DEUP1: variants seen among roughly 807,000 people sequenced by gnomAD.
DEUP1 encodes coiled-coil domain containing 67.
In DEUP1, 82 loss-of-function variants were observed where a neutral mutation model predicts 87.4. That is an observed-to-expected ratio of 0.94 (90% confidence interval 0.78 to 1.13). The LOEUF (loss-of-function observed/expected upper bound fraction) is 1.13. DEUP1 is among the 50% of genes most tolerant of loss of function. DEUP1 has a pLI of 0.00. For missense variants in DEUP1, 663 were observed against 681.5 expected (o/e 0.97, Z 0.30); for synonymous variants, 214 against 222.7 (o/e 0.96, Z 0.35).
chr11:93,434,052 C>G (rs1948172523), intron 13 of DEUP1, among the ~76,000 whole-genome samples: 1 of 152,130 alleles, frequency 6.6e-6, no homozygotes, highest in South Asian at 2.1e-4. Context: ...AACACCCACC[C>G]AGCTAGAGGA....
In DEUP1 at chr11:93,371,292, T is replaced by G. The variant is rs192410566; in HGVS notation, c.789+12T>G. On this transcript the variant is annotated intron_variant, in intron 7 of 13. Coordinates refer to ENST00000298050, the MANE Select transcript of DEUP1 (RefSeq NM_181645.4). Reference sequence around the variant, plus strand: ...AAAGACAGTGCCAGGTGAAGATTAATTTTTTTTCAACTAATATTGTCCATG... The same window carrying G: ...AAAGACAGTGCCAGGTGAAGATTAAGTTTTTTTCAACTAATATTGTCCATG... The G allele has an allele frequency of 1.2e-6, 2 of 1,600,774 alleles. No individual in the cohort carries two copies. Among genetic ancestry groups the G allele is most frequent in the Non-Finnish European group, 1.7e-6 (2 of 1,173,480 alleles).
chr11:93,336,686 C>T (rs993369990), intron 2 of DEUP1, among the ~76,000 whole-genome samples: 2 of 152,162 alleles, frequency 1.3e-5, no homozygotes, highest in Non-Finnish European at 2.9e-5. Context: ...CAGTCCAGAG[C>T]CTTTCTGTTT....
intron 2 of DEUP1, among the ~76,000 whole-genome samples, chr11:93,347,881 A>G (rs1944435268): frequency 6.6e-6 from 1 of 152,098 alleles, no homozygotes; most frequent in Non-Finnish European, 1.5e-5. Flanking sequence ...CTGGGACTAC[A>G]GGCGCGTGCC....
At chr11:93,376,695 T>G (rs1206086316) in intron 7 of DEUP1, among the ~76,000 whole-genome samples, 1 of 152,200 alleles carries the variant, frequency 6.6e-6, no homozygotes, top group Non-Finnish European at 1.5e-5. Flanking sequence ...TCTGGTGTCT[T>G]GAAGTGTGAT....
intron 4 of DEUP1, among the ~76,000 whole-genome samples, chr11:93,359,476 A>G (rs1000816062): frequency 3.9e-5 from 6 of 152,192 alleles, no homozygotes; most frequent in African/African-American, 7.2e-5. Context: ...ATAAAACAAC[A>G]TAAGACTCTG....
upstream of DEUP1, chr11:93,330,613 G>C (rs1943420016): frequency 6.6e-6 from 1 of 152,516 alleles, no homozygotes. Flanking sequence ...GGAGGGAGAG[G>C]CCCAACTGCC....
At chr11:93,437,445 G>A in intron 13 of DEUP1, 98 bp from the exon 14 acceptor site, 1 of 835,650 alleles carries the variant, frequency 1.2e-6, no homozygotes, top group Admixed American at 2.9e-5. Flanking sequence ...AAGAGCTGCG[G>A]TGTTTGACAG....
chr11:93,378,114 A>G (rs993142478), intron 7 of DEUP1, among the ~76,000 whole-genome samples: 12 of 152,120 alleles, frequency 7.9e-5, no homozygotes, highest in African/African-American at 2.7e-4. Flanking sequence ...TGAATTTCCC[A>G]GGTGTTCTTT....
intron 2 of DEUP1, among the ~76,000 whole-genome samples, chr11:93,337,532 C>T (rs950080453): frequency 5.9e-5 from 9 of 152,154 alleles, no homozygotes; most frequent in African/African-American, 9.7e-5. Context: ...TTCACCTCCC[C>T]CCATATACAC....
chr11:93,431,836 T>G (rs1403946269), intron 13 of DEUP1, among the ~76,000 whole-genome samples: 1 of 152,046 alleles, frequency 6.6e-6, no homozygotes, highest in African/African-American at 2.4e-5. Context: ...ACTCCTAGGA[T>G]TTCAACCTGA....
At chr11:93,352,386 C>G (rs563101167) in intron 2 of DEUP1, 195 of 702,400 alleles carry the variant, frequency 2.8e-4, no homozygotes, top group Non-Finnish European at 4.8e-4. Flanking sequence ...AATGCTTCAG[C>G]TTCTTTGAAA....
chr11:93,331,759 C>T (rs1335364543), intron 1 of DEUP1, among the ~76,000 whole-genome samples: 1 of 152,134 alleles, frequency 6.6e-6, no homozygotes, highest in East Asian at 1.9e-4. Context: ...ATCACTAAGT[C>T]AATATCGTAA....
At chr11:93,383,249 G>A (rs1290373161) in intron 7 of DEUP1, among the ~76,000 whole-genome samples, 7 of 152,168 alleles carry the variant, frequency 4.6e-5, no homozygotes, top group Admixed American at 4.6e-4. Flanking sequence ...TAAACAAAAT[G>A]TGGTATATCC....
intron 11 of DEUP1, among the ~76,000 whole-genome samples, chr11:93,401,148 T>C (rs770403952): frequency 8.5e-5 from 13 of 152,124 alleles, no homozygotes; most frequent in Non-Finnish European, 1.8e-4. Context: ...TATATGTCAA[T>C]AGTGAATAAT....
intron 2 of DEUP1, among the ~76,000 whole-genome samples, chr11:93,353,959 C>G (rs186658319): frequency 6.6e-6 from 1 of 152,358 alleles, no homozygotes; most frequent in African/African-American, 2.4e-5. Context: ...ACATTAGGCT[C>G]CTTGCTACTT....
intron 11 of DEUP1, among the ~76,000 whole-genome samples, chr11:93,398,571 T>C (rs1010265904): frequency 6.6e-6 from 1 of 152,184 alleles, no homozygotes; most frequent in Non-Finnish European, 1.5e-5. Flanking sequence ...CTGATGGTTA[T>C]AAAGTAATTT....
chr11:93,369,146 G>A (rs1279194202), intron 5 of DEUP1, among the ~76,000 whole-genome samples: 1 of 151,988 alleles, frequency 6.6e-6, no homozygotes, highest in Non-Finnish European at 1.5e-5. Flanking sequence ...ATGGCAGGGA[G>A]AAAGAAAGAG....
At chr11:93,387,975 T>C (rs2134334154) in intron 8 of DEUP1, among the ~76,000 whole-genome samples, 1 of 152,284 alleles carries the variant, frequency 6.6e-6, no homozygotes, top group Non-Finnish European at 1.5e-5. Flanking sequence ...ATGATGGTTT[T>C]TCCTGAATGT....
In DEUP1 at chr11:93,396,357, C is replaced by T. The variant is rs574025952; in HGVS notation, c.1326+32C>T. ...TGCTGACATCATTCAATAAATTGAA[C>T]AAAGAGATTACTGAATTGGTCACGA... On this transcript the variant is annotated intron_variant, in intron 11 of 13. Transcript: ENST00000298050. 8 of 1,310,402 alleles carry T rather than the reference C, an allele frequency of 6.1e-6. No homozygotes were observed. In the East Asian group the frequency reaches 2.0e-4, roughly 33 times the overall value. The allele number at this position is 1,310,402 out of a possible 1,614,324, so 81.2% of individuals were successfully genotyped here. A position where few individuals can be genotyped will look rare whatever the true frequency, so the allele number is the denominator to read the frequency against.
Sources: allele counts gnomAD v4.1 joint callset (sites outside exome capture counted in the v4.1 genomes callset), GRCh38; gene constraint gnomAD v4.1.1; transcripts MANE v1.5; gene names NCBI Gene and HGNC (gene_info 2026-07-23, HGNC 2026-07-21).